FRAS1: variants seen among roughly 807,000 people sequenced by gnomAD.
The protein encoded by FRAS1 is Fraser extracellular matrix complex subunit 1.
Under a neutral mutation model 435.2 loss-of-function variants are expected in FRAS1, and 290 were observed. The observed-to-expected ratio is 0.67, with a 90% confidence interval of 0.61 to 0.73. The LOEUF (loss-of-function observed/expected upper bound fraction) is 0.73. FRAS1 is among the 30% of genes least tolerant of loss of function. FRAS1 has a pLI of 0.00. For missense variants in FRAS1, 4,860 were observed against 5,001.5 expected, an observed-to-expected ratio of 0.97 and a Z score of 0.85; for synonymous variants, 1,800 against 1,851.0, an observed-to-expected ratio of 0.97 and a Z score of 0.71.
At chr4:78,315,540 T>G in intron 15 of FRAS1, 54 bp from the exon 16 acceptor site, 1 of 1,545,330 alleles carries the variant, frequency 6.5e-7, no homozygotes, top group Non-Finnish European at 8.7e-7. Context: ...TAGACTTCAC[T>G]GCTTCTTTTG....
intron 14 of FRAS1, among the ~76,000 whole-genome samples, chr4:78,292,027 G>A (rs1400536863): frequency 2.0e-5 from 3 of 152,170 alleles, no homozygotes; most frequent in Non-Finnish European, 1.5e-5. Flanking sequence ...TATTATGAAG[G>A]TTAGAAAAGC....
At chr4:78,069,818 T>G (rs1740245678) in intron 2 of FRAS1, among the ~76,000 whole-genome samples, 1 of 150,738 alleles carries the variant, frequency 6.6e-6, no homozygotes, top group Admixed American at 6.6e-5. Flanking sequence ...ACTTTACAGA[T>G]AAGGAAGTTG....
chr4:78,196,510 T>A (rs150414811), intron 2 of FRAS1, among the ~76,000 whole-genome samples: 174 of 152,338 alleles, frequency 1.1e-3, no homozygotes, highest in African/African-American at 3.9e-3. Flanking sequence ...TTAAATTATA[T>A]ACTTTAGAAT....
chr4:78,313,097 C>A (rs900991024), intron 15 of FRAS1, among the ~76,000 whole-genome samples: 3 of 152,080 alleles, frequency 2.0e-5, no homozygotes, highest in African/African-American at 7.2e-5. Flanking sequence ...TGCAATTTTT[C>A]ATTTCTTGGA....
chr4:78,268,318 G>A (rs1002030012), intron 9 of FRAS1, among the ~76,000 whole-genome samples: 1 of 152,140 alleles, frequency 6.6e-6, no homozygotes, highest in Admixed American at 6.5e-5. Context: ...GGCTGTCATC[G>A]GCAGGGTTAT....
chr4:78,296,924 C>G (rs1291971769), intron 14 of FRAS1, among the ~76,000 whole-genome samples: 1 of 152,170 alleles, frequency 6.6e-6, no homozygotes, highest in Non-Finnish European at 1.5e-5. Flanking sequence ...GAACTAGGTA[C>G]AACAAATATT....
At chr4:78,471,566 A>G (rs79748874) in intron 51 of FRAS1, among the ~76,000 whole-genome samples, 1,813 of 152,288 alleles carry the variant, frequency 0.012, 31 homozygotes, top group African/African-American at 0.042. Flanking sequence ...AAATCCAGAG[A>G]CCAATTATCT....
At chr4:78,235,566 T>C (rs1317924014) in intron 2 of FRAS1, among the ~76,000 whole-genome samples, 1 of 152,156 alleles carries the variant, frequency 6.6e-6, no homozygotes, top group Non-Finnish European at 1.5e-5. Flanking sequence ...TTCCTAAGGA[T>C]CTATAGTGTG....
At chr4:78,419,647 C>T (rs1236625769) in intron 33 of FRAS1, among the ~76,000 whole-genome samples, 1 of 152,118 alleles carries the variant, frequency 6.6e-6, no homozygotes, top group Non-Finnish European at 1.5e-5. Context: ...AAGCCTATGC[C>T]TGTGTTAGTC....
At chr4:78,487,254 T>C (rs1720198865) in intron 58 of FRAS1, among the ~76,000 whole-genome samples, 1 of 152,240 alleles carries the variant, frequency 6.6e-6, no homozygotes, top group African/African-American at 2.4e-5. Flanking sequence ...ATCTGACTTT[T>C]CATTTAGTAA....
chr4:78,087,867 T>C (rs1224475563), intron 2 of FRAS1, among the ~76,000 whole-genome samples: 4 of 152,154 alleles, frequency 2.6e-5, no homozygotes, highest in Admixed American at 1.3e-4. Context: ...AATTTATAGA[T>C]TCAATGCCAT....
At chr4:78,117,724 A>G (rs1449140849) in intron 2 of FRAS1, among the ~76,000 whole-genome samples, 1 of 152,136 alleles carries the variant, frequency 6.6e-6, no homozygotes, top group African/African-American at 2.4e-5. Flanking sequence ...CTAGTTAGCC[A>G]TTCATCTAAT....
chr4:78,400,422 G>T (rs1018574299), intron 29 of FRAS1, among the ~76,000 whole-genome samples: 1 of 152,172 alleles, frequency 6.6e-6, no homozygotes, highest in African/African-American at 2.4e-5. Context: ...TTAAATATGG[G>T]TGGGTGGAGA....
chr4:78,173,778 T>C (rs561875161), intron 2 of FRAS1, among the ~76,000 whole-genome samples: 1 of 152,348 alleles, frequency 6.6e-6, no homozygotes, highest in South Asian at 2.1e-4. Flanking sequence ...TTTTAAGACA[T>C]TCTAATTTCT....
chr4:78,507,725 C>T, intron 62 of FRAS1, 117 bp downstream of exon 62: 1 of 966,094 alleles, frequency 1.0e-6, no homozygotes, highest in Non-Finnish European at 1.5e-6. Context: ...AACCAGGAGC[C>T]ATCTTGCCTT....
At chr4:78,392,538 CATTA>C (rs1234525600) in intron 29 of FRAS1, among the ~76,000 whole-genome samples, 1 of 151,880 alleles carries the variant, frequency 6.6e-6, no homozygotes, top group African/African-American at 2.4e-5. Context: ...TGGTTTGTAA[CATTA>C]ATATTTTTAT....
rs1364084125 is a variant in FRAS1, at chr4:78,499,808, T to A, written c.9203T>A (p.Ile3068Asn). ...ATTGCGATTCTGAACATCAAGGTGA[T>A]CCGCAGAGGGGATCAGAACAGGACC... ...DAIAILNIKV[I>N]RRGDQNRTSK... Residue 3068 changes from isoleucine (I) to asparagine (N), a missense_variant, in exon 61 of 74, where the codon ATC becomes AAC. Physicochemically the swap from Ile to Asn is moderately radical, Grantham distance 149. Transcript: ENST00000512123. The A allele has an allele frequency of 6.2e-7, 1 of 1,613,768 alleles. No individual in the cohort carries two copies. Among genetic ancestry groups the A allele is most frequent in the Non-Finnish European group, 8.5e-7 (1 of 1,179,830 alleles).
intron 50 of FRAS1, among the ~76,000 whole-genome samples, chr4:78,468,426 A>G (rs1467101021): frequency 6.6e-6 from 1 of 152,182 alleles, no homozygotes. Context: ...CCTGATGTAC[A>G]TAAAGCACTA....
chr4:78,515,643 A>G (rs1420922851), intron 65 of FRAS1, among the ~76,000 whole-genome samples, 156 bp from the exon 66 acceptor site: 1 of 152,144 alleles, frequency 6.6e-6, no homozygotes, highest in Non-Finnish European at 1.5e-5. Flanking sequence ...GATCCCTCAC[A>G]TTCTCCCTGC....
Sources: allele counts gnomAD v4.1 joint callset (sites outside exome capture counted in the v4.1 genomes callset), GRCh38; gene constraint gnomAD v4.1.1; transcripts MANE v1.5; gene names NCBI Gene and HGNC (gene_info 2026-07-23, HGNC 2026-07-21).